The following EPHA1 variants were observed in gnomAD, a reference collection of about 807,000 sequenced individuals.
EPHA1 encodes EPH receptor A1.
In EPHA1, 92 loss-of-function variants were observed where a neutral mutation model predicts 110.1. The observed-to-expected ratio is 0.84, with a 90% confidence interval of 0.71 to 0.99. EPHA1 has a LOEUF of 0.99. Among genes scored for constraint, EPHA1 ranks in the 50% least tolerant of loss-of-function variants. The probability of loss-of-function intolerance (pLI) is 0.00; values close to 1 mark genes in which losing one functional copy is unlikely to be tolerated. For missense variants in EPHA1, 1,204 were observed against 1,285.4 expected (o/e 0.94, Z 0.97); for synonymous variants, 500 against 516.1 (o/e 0.97, Z 0.42).
chr7:143,394,107 T>C (rs1805170255), intron 15 of EPHA1, 87 bp downstream of exon 15: 5 of 1,490,154 alleles, frequency 3.4e-6, no homozygotes, highest in Non-Finnish European at 2.7e-6. Flanking sequence ...AATAAAGATA[T>C]TTGCAGGAAA....
chr7:143,391,409 C>T lies in EPHA1; in HGVS notation c.*48G>A, dbSNP rs754878310. ...GGAGTGACCATGAGCGACCTTGGCCCCGTCCTTGCTCCTTGCACCCTGATT... is the reference window on the plus strand; with the variant it reads ...GGAGTGACCATGAGCGACCTTGGCCTCGTCCTTGCTCCTTGCACCCTGATT... On this transcript the variant is annotated 3_prime_UTR_variant, in exon 18 of 18. Coordinates refer to ENST00000275815, the MANE Select transcript of EPHA1 (RefSeq NM_005232.5). 1.9e-5 allele frequency: 30 copies of T among 1,609,090 alleles called. No homozygotes were observed. Among genetic ancestry groups the T allele is most frequent in the Non-Finnish European group, 2.5e-5 (29 of 1,177,510 alleles).
At chr7:143,396,637 T>C (rs548627475) in intron 10 of EPHA1, 127 bp from the exon 11 acceptor site, 5 of 1,147,314 alleles carry the variant, frequency 4.4e-6, no homozygotes, top group Admixed American at 2.6e-5. Context: ...GACTCCTGTT[T>C]GGGCTGAGGT....
chr7:143,401,298 C>T lies in EPHA1; in HGVS notation c.432+26G>A. The T allele has an allele frequency of 6.2e-7, 1 of 1,609,028 alleles. No individual in the cohort carries two copies. The highest frequency in any genetic ancestry group is 8.5e-7 in the Non-Finnish European group (1 of 1,177,588). ...AGCCACCAGGGATCTGCACCAGGAC[C>T]CAGATGGCATGGAGGGAAGCAGCAC... On this transcript the variant is annotated intron_variant, in intron 3 of 17. Coordinates refer to ENST00000275815, the MANE Select transcript of EPHA1 (RefSeq NM_005232.5). This position sits in a 1 kb window ranked among gnomAD's most constrained non-coding sequence, Gnocchi z 4.1.
chr7:143,397,473 G>A, intron 9 of EPHA1, 88 bp downstream of exon 9: 1 of 1,591,290 alleles, frequency 6.3e-7, no homozygotes, highest in East Asian at 2.2e-5. Context: ...GATGGGTTTT[G>A]ATACTAGGGG....
Position 143,391,147 on chromosome 7 carries a change from C to T in EPHA1, c.*310G>A, listed in dbSNP as rs1255688841. ...TCAGCTCTTTTGTAGTGCCTGCAGC[C>T]CTCATGGGTGGGATGGAGGCAGAAA... On this transcript the variant is annotated 3_prime_UTR_variant, in exon 18 of 18. Coordinates refer to ENST00000275815, the MANE Select transcript of EPHA1 (RefSeq NM_005232.5). 1.3e-5 allele frequency: 5 copies of T among 384,246 alleles called. No homozygotes were observed. The highest frequency in any genetic ancestry group is 5.0e-5 in the East Asian group (1 of 20,072). The allele number at this position is 384,246 out of a possible 1,614,324, so 23.8% of individuals were successfully genotyped here.
Position 143,405,773 on chromosome 7 carries a change from T to C in EPHA1, c.150+1838A>G, listed in dbSNP as rs1390855629. On this transcript the variant is annotated intron_variant, in intron 2 of 17. Coordinates refer to ENST00000275815, the MANE Select transcript of EPHA1 (RefSeq NM_005232.5). ...CTGGAGGATCCACTATGGTTTAGTC[T>C]ATTAGCTCTAATTACAGGCTACTCT... 5.9e-5 allele frequency among the ~76,000 whole-genome samples: 9 copies of C among 152,284 alleles called. No individual in the cohort carries two copies. In the South Asian group the frequency reaches 1.9e-3, roughly 32 times the overall value.
At position 143,395,288 on chromosome 7, in the gene EPHA1, G is replaced by A. The variant is rs200451105; in HGVS notation, c.2083+31C>T. 2.2e-5 allele frequency: 36 copies of A among 1,613,484 alleles called. No homozygotes were observed. The highest frequency in any genetic ancestry group is 1.3e-4 in the African/African-American group (10 of 74,948). On this transcript the variant is annotated intron_variant, in intron 12 of 17. Coordinates refer to ENST00000275815, the MANE Select transcript of EPHA1 (RefSeq NM_005232.5). This position sits in a 1 kb window ranked among gnomAD's most constrained non-coding sequence, Gnocchi z 4.7. Reference sequence around the variant, plus strand: ...TTCACCCCTCTTTCCTGCATTTCCCGCCCCCAGCTGAGGGAGACCACTCAT... The same window carrying A: ...TTCACCCCTCTTTCCTGCATTTCCCACCCCCAGCTGAGGGAGACCACTCAT...
In EPHA1 at chr7:143,399,780, G is replaced by A. The variant is rs201188496; in HGVS notation, c.706C>T (p.Arg236Trp). 23 of 1,607,886 alleles carry A rather than the reference G, an allele frequency of 1.4e-5. No individual in the cohort carries two copies. Among genetic ancestry groups the A allele is most frequent in the African/African-American group, 8.0e-5 (6 of 74,930 alleles). Residue 236 changes from arginine (R) to tryptophan (W), a missense_variant, in exon 4 of 18, where the codon CGG (arginine) becomes TGG (tryptophan). Arg to Trp is a moderately radical substitution (Grantham distance 101). Coordinates refer to ENST00000275815, the MANE Select transcript of EPHA1 (RefSeq NM_005232.5). ...EVAGTCLPHA[R>W]ASPRPSGAPR... ...GCACCTGAGGGCCTGGGGCTGGCCC[G>A]CGCGTGGGGCAAGCAGGTCCCCGCC...
At chr7:143,403,741 A>G (rs1486709638) in intron 2 of EPHA1, among the ~76,000 whole-genome samples, 1 of 152,198 alleles carries the variant, frequency 6.6e-6, no homozygotes, top group Non-Finnish European at 1.5e-5. Context: ...CCTTTTGCCA[A>G]TCCTAGGGTC....
chr7:143,397,754 C>A (rs1282150756), intron 8 of EPHA1, 97 bp from the exon 9 acceptor site: 1 of 1,538,600 alleles, frequency 6.5e-7, no homozygotes, highest in African/African-American at 1.4e-5. Flanking sequence ...AGGGTCAGAC[C>A]TTTCAGTGTG....
At chr7:143,399,023 C>G in intron 5 of EPHA1, 78 bp from the exon 6 acceptor site, 1 of 1,377,366 alleles carries the variant, frequency 7.3e-7, no homozygotes, top group Non-Finnish European at 9.8e-7. Flanking sequence ...TCCACCACCA[C>G]CCAATTCTCG....
chr7:143,403,355 A>G (rs557661443), intron 2 of EPHA1, among the ~76,000 whole-genome samples: 5 of 152,322 alleles, frequency 3.3e-5, no homozygotes, highest in African/African-American at 1.2e-4. Context: ...TGGGCGACAA[A>G]GCAAGATTCC....
intron 2 of EPHA1, among the ~76,000 whole-genome samples, chr7:143,404,993 C>T (rs974977778): frequency 4.0e-5 from 6 of 149,756 alleles, no homozygotes; most frequent in Non-Finnish European, 7.4e-5. Flanking sequence ...AAAAAAAAAT[C>T]ATTAATCAAA....
intron 15 of EPHA1, 61 bp downstream of exon 15, chr7:143,394,133 C>G: frequency 6.4e-7 from 1 of 1,556,854 alleles, no homozygotes; most frequent in Non-Finnish European, 8.7e-7. Context: ...ATGGGAGGAC[C>G]TTGGGAGGAA....
rs765474060 is a variant in EPHA1 at position 143,391,665 on chromosome 7, G to T, written c.2807C>A (p.Ser936Ter). 1.2e-6 allele frequency: 2 copies of T among 1,613,990 alleles called. No individual in the cohort carries two copies. The highest frequency in any genetic ancestry group is 2.7e-5 in the African/African-American group (2 of 74,916). Residue 936 changes from serine (S) to a stop codon, truncating the protein, a stop_gained, in exon 17 of 18, where the codon TCG (serine) becomes TAG (stop). Coordinates refer to ENST00000275815, the MANE Select transcript of EPHA1 (RefSeq NM_005232.5). LOFTEE classifies it high-confidence loss of function. ...RMKRYILHFH[S>*]AGLDTMECVL... ...ACACTCCATGGTGTCCAGCCCAGCC[G>T]AGTGGAAGTGCAGGATGTAGCGTTT...
chr7:143,401,387 G>T lies in EPHA1; in HGVS notation c.369C>A (p.Asn123Lys). The change falls in exon 3 of 18, where the codon AAC becomes AAA. Residue 123 changes from asparagine (N) to lysine (K), a missense_variant. By Grantham distance (94) the Asn-to-Lys change is moderately conservative. Coordinates refer to ENST00000275815, the MANE Select transcript of EPHA1 (RefSeq NM_005232.5). The surrounding 1 kb of genome is among the most constrained non-coding windows in gnomAD (Gnocchi z 4.1). ...AGPLGCKETF[N>K]LLYMESDQDV... Reference sequence around the variant, plus strand: ...CCTGGTCACTCTCCATGTACAGAAGGTTGAAGGTCTCCTTGCAGCCCAGAG... The same window carrying T: ...CCTGGTCACTCTCCATGTACAGAAGTTTGAAGGTCTCCTTGCAGCCCAGAG... The T allele has an allele frequency of 6.2e-7, 1 of 1,614,160 alleles. No individual in the cohort carries two copies. The highest frequency in any genetic ancestry group is 8.5e-7 in the Non-Finnish European group (1 of 1,180,042).
intron 2 of EPHA1, among the ~76,000 whole-genome samples, chr7:143,406,986 A>G (rs1805567735): frequency 6.6e-6 from 1 of 152,230 alleles, no homozygotes; most frequent in Non-Finnish European, 1.5e-5. Context: ...GCTGGAATGC[A>G]TGGTGTGCAC....
At position 143,401,460 on chromosome 7, in the gene EPHA1, A is replaced by G; in HGVS notation, c.296T>C (p.Leu99Pro). The G allele has an allele frequency of 6.2e-7, 1 of 1,614,106 alleles. No individual in the cohort carries two copies. Among genetic ancestry groups the G allele is most frequent in the Non-Finnish European group, 8.5e-7 (1 of 1,180,036 alleles). The change falls in exon 3 of 18, where the codon CTG becomes CCG. Residue 99 changes from leucine (L) to proline (P), a missense_variant. Physicochemically the swap from Leu to Pro is moderately conservative, Grantham distance 98. Transcript: ENST00000275815. The surrounding 1 kb of genome is among the most constrained non-coding windows in gnomAD (Gnocchi z 4.1). ...GEEASRVHVE[L>P]QFTVRDCKSF... ...CTTGCAGTCCCGCACGGTGAACTGC[A>G]GCTCCACGTGGACGCGGGAAGCCTC...
At position 143,398,019 on chromosome 7, in the gene EPHA1, GCT is replaced by G; in HGVS notation, c.1514_1515del (p.Glu505AlafsTer4). 7 of 1,614,172 alleles carry G rather than the reference GCT, an allele frequency of 4.3e-6. No homozygotes were observed. Among genetic ancestry groups the G allele is most frequent in the Non-Finnish European group, 5.1e-6 (6 of 1,180,022 alleles). On this transcript the variant is annotated frameshift_variant, in exon 8 of 18. Transcript: ENST00000275815. LOFTEE classifies it high-confidence loss of function. The part of the protein sequence containing the change: ...MVLEPRVLLT[E>X]LQPDTTYIVR... ...ACGATGTATGTGGTGTCAGGCTGCA[GCT>G]CTGTCAGCAAGACCCTGGGTTCTAG...
Sources: allele counts gnomAD v4.1 joint callset (sites outside exome capture counted in the v4.1 genomes callset), GRCh38; gene constraint gnomAD v4.1.1; non-coding constraint Gnocchi (gnomAD v3.1); transcripts MANE v1.5; gene names NCBI Gene and HGNC (gene_info 2026-07-23, HGNC 2026-07-21).